POLQ: variants seen among roughly 807,000 people sequenced by gnomAD.
POLQ encodes the protein epididymis secretory sperm binding protein.
POLQ carries 233 observed loss-of-function variants against 259.2 expected under a neutral mutation model. That is an observed-to-expected ratio of 0.90 (90% CI 0.81 to 1.00). POLQ has a LOEUF of 1.00. Among genes scored for constraint, POLQ ranks in the 50% least tolerant of loss-of-function variants. The pLI is 0.00. For missense variants in POLQ, 2,871 were observed against 3,051.6 expected (o/e 0.94, Z 1.39); for synonymous variants, 1,025 against 1,048.8 (o/e 0.98, Z 0.44).
Position 121,489,989 on chromosome 3 carries a change from T to C in POLQ, c.2942A>G (p.Gln981Arg). ...CNFQNGNQEH[Q>R]TCSIFRARKR... ...TCTTGCTCTGAAAATGGAACATGTC[T>C]GATGTTCTTGATTCCCATTCTGGAA... The change falls in exon 16 of 30, where the codon CAG becomes CGG. Residue 981 changes from glutamine (Q) to arginine (R), a missense_variant. Physicochemically the swap from Gln to Arg is conservative, Grantham distance 43. Transcript: ENST00000264233. 1.3e-6 allele frequency: 2 copies of C among 1,580,166 alleles called. No individual in the cohort carries two copies. Among genetic ancestry groups the C allele is most frequent in the Non-Finnish European group, 1.7e-6 (2 of 1,169,838 alleles).
intron 24 of POLQ, among the ~76,000 whole-genome samples, chr3:121,461,164 C>T (rs1040063681): frequency 2.0e-5 from 3 of 152,298 alleles, no homozygotes; most frequent in African/African-American, 2.4e-5. Context: ...GAAAAACACT[C>T]GTACATTGTT....
chr3:121,523,701 C>G (rs1048040993), intron 7 of POLQ, among the ~76,000 whole-genome samples: 11 of 151,812 alleles, frequency 7.2e-5, no homozygotes, highest in African/African-American at 2.7e-4. Flanking sequence ...GACAACAGAG[C>G]AAGACCCTGT....
rs773624174 is a variant in POLQ at position 121,481,775 on chromosome 3, G to A, written c.6008C>T (p.Pro2003Leu). The change falls in exon 19 of 30, where the codon CCG (proline) becomes CTG (leucine). Residue 2003 changes from proline to leucine, a missense_variant. Pro to Leu is a moderately conservative substitution (Grantham distance 98). Around this residue, in one of 3 missense-constraint regions of POLQ, gnomAD observed 2,080 missense variants for 2,126.0 expected, o/e 0.98. Coordinates refer to ENST00000264233, the MANE Select transcript of POLQ (RefSeq NM_199420.4). ...CWLLDPDSQE[P>L]TLHSIVTSFL... Reference sequence around the variant, plus strand: ...ACTGGTAACTATGCTATGAAGAGTCGGCTCCTGAGAATCTGGATCTAGTAA... The same window carrying A: ...ACTGGTAACTATGCTATGAAGAGTCAGCTCCTGAGAATCTGGATCTAGTAA... The A allele has an allele frequency of 1.3e-5, 21 of 1,612,826 alleles. No homozygotes were observed. The highest frequency in any genetic ancestry group is 1.2e-4 in the Admixed American group (7 of 59,942).
At position 121,488,843 on chromosome 3, in the gene POLQ, G is replaced by C. The variant is rs1216421517; in HGVS notation, c.4088C>G (p.Ser1363Ter). ...IMQKSLVQQN[S>*]MNSFQKECHI... ...ACACTCCTTCTGAAAAGAGTTCATTGAGTTCTGTTGGACTAAGCTCTTCTG... is the reference window on the plus strand; with the variant it reads ...ACACTCCTTCTGAAAAGAGTTCATTCAGTTCTGTTGGACTAAGCTCTTCTG... The change falls in exon 16 of 30, where the codon TCA becomes TGA. Residue 1363 changes from serine to a stop codon, truncating the protein, a stop_gained. Coordinates refer to ENST00000264233, the MANE Select transcript of POLQ (RefSeq NM_199420.4). LOFTEE classifies it high-confidence loss of function. 6.2e-7 allele frequency: 1 copy of C among 1,613,898 alleles called. No individual in the cohort carries two copies. The highest frequency in any genetic ancestry group is 1.3e-5 in the African/African-American group (1 of 75,020).
intron 25 of POLQ, among the ~76,000 whole-genome samples, chr3:121,459,048 T>A (rs900709638): frequency 6.6e-6 from 1 of 152,222 alleles, no homozygotes; most frequent in South Asian, 2.1e-4. Context: ...GGTAAGAAAG[T>A]ATCAGTGTTA....
intron 21 of POLQ, among the ~76,000 whole-genome samples, chr3:121,473,095 A>C (rs1053156696): frequency 1.3e-5 from 2 of 152,182 alleles, no homozygotes; most frequent in African/African-American, 4.8e-5. Flanking sequence ...ATGGTGGTAC[A>C]CCTTTATAAA....
chr3:121,483,366 A>G lies in POLQ; in HGVS notation c.5970+20T>C. ...AAAAATGTTGTTTTAAGTATATAAA[A>G]ATTAAATTAGACATAGAACCTTAGG... On this transcript the variant is annotated intron_variant, in intron 18 of 29. Coordinates refer to ENST00000264233, the MANE Select transcript of POLQ (RefSeq NM_199420.4). The G allele has an allele frequency of 7.1e-7, 1 of 1,408,740 alleles. No individual in the cohort carries two copies. Among genetic ancestry groups the G allele is most frequent in the Non-Finnish European group, 9.5e-7 (1 of 1,054,130 alleles). 87.3% of individuals were successfully genotyped at this position (1,408,740 alleles called of 1,614,324 possible). A position where few individuals can be genotyped will look rare whatever the true frequency, so the allele number is the denominator to read the frequency against.
rs2048047581 is a variant in POLQ at position 121,489,622 on chromosome 3, CAA to C, written c.3307_3308del (p.Leu1103GlufsTer3). The part of the protein sequence containing the change: ...NSGPFAKNVS[L>X]SGKEKDNKTS... ...TTTTATTATCTTTTTCCTTACCACT[CAA>C]AGATACATTTTTAGCAAATGGCCCT... On this transcript the variant is annotated frameshift_variant, in exon 16 of 30. Transcript: ENST00000264233. LOFTEE classifies it high-confidence loss of function. 1 of 1,613,748 alleles carries C rather than the reference CAA, an allele frequency of 6.2e-7. No homozygotes were observed. The highest frequency in any genetic ancestry group is 8.5e-7 in the Non-Finnish European group (1 of 1,179,902).
At chr3:121,504,634 C>T (rs933641265) in intron 12 of POLQ, among the ~76,000 whole-genome samples, 9 of 152,048 alleles carry the variant, frequency 5.9e-5, no homozygotes, top group African/African-American at 2.2e-4. Context: ...ACTAGCAAAC[C>T]AAATAAAATA....
chr3:121,467,546 T>C lies in POLQ; in HGVS notation c.6940A>G (p.Met2314Val). 6.2e-7 allele frequency: 1 copy of C among 1,614,098 alleles called. No individual in the cohort carries two copies. Among genetic ancestry groups the C allele is most frequent in the Non-Finnish European group, 8.5e-7 (1 of 1,179,946 alleles). The change falls in exon 24 of 30, where the codon ATG becomes GTG. Residue 2314 changes from methionine to valine, a missense_variant. Around this residue, in one of 3 missense-constraint regions of POLQ, gnomAD observed 2,080 missense variants for 2,126.0 expected, o/e 0.98. Coordinates refer to ENST00000264233, the MANE Select transcript of POLQ (RefSeq NM_199420.4). ...GGGAAAGGCACAAAGGCATGTCGCA[T>C]GCTAATTGAAAATGGCATTCCTCTG... is the stretch of plus-strand genomic sequence containing the variant. The part of the protein sequence containing the change: ...ADRGMPFSIS[M>V]RHAFVPFPGG...
rs538097550 is a variant in POLQ at position 121,541,644 on chromosome 3, T to C, written c.344-165A>G. Among the ~76,000 whole-genome samples the C allele has an allele frequency of 7.2e-5, 11 of 152,350 alleles. No homozygotes were observed. The South Asian group carries it at 8.3e-4, about 11-fold the overall frequency. ...TTATACCCTGAAATGCCCTTTACTT[T>C]AAACCACCTGTCTTAATAGTCTCAA... On this transcript the variant is annotated intron_variant, in intron 2 of 29. Transcript: ENST00000264233.
chr3:121,461,679 C>T (rs1188404377), intron 24 of POLQ, among the ~76,000 whole-genome samples: 1 of 147,946 alleles, frequency 6.8e-6, no homozygotes, highest in Non-Finnish European at 1.5e-5. Flanking sequence ...GAAAAAGAAA[C>T]ATTACATGAA....
At chr3:121,503,352 C>A (rs894576080) in intron 12 of POLQ, among the ~76,000 whole-genome samples, 2 of 152,152 alleles carry the variant, frequency 1.3e-5, no homozygotes, top group Admixed American at 1.3e-4. Context: ...AGATGCAATT[C>A]TCAGAATGTA....
In POLQ at chr3:121,496,810, G is replaced by A. The variant is rs1252341970; in HGVS notation, c.2276C>T (p.Ala759Val). Residue 759 changes from alanine to valine, a missense_variant and splice_region_variant, in exon 14 of 30, where the codon GCA becomes GTA. Physicochemically the swap from Ala to Val is moderately conservative, Grantham distance 64 (BLOSUM62 0). Around this residue, in one of 3 missense-constraint regions of POLQ, gnomAD observed 8 missense variants for 19.3 expected, o/e 0.41. Transcript: ENST00000264233. ...GTGAAACCCTTTGTTTAACTGACCT[G>A]CATAAACAGCAGCTGACTGTTGCAA... ...QSLQQSAAVY[A>V]GMITVFSNRL... is the part of the protein sequence containing the mutation. The A allele has an allele frequency of 6.2e-7, 1 of 1,610,974 alleles. No individual in the cohort carries two copies. The highest frequency in any genetic ancestry group is 1.1e-5 in the South Asian group (1 of 90,122).
intron 6 of POLQ, 44 bp from the exon 7 acceptor site, chr3:121,529,836 A>G (rs1225031633): frequency 6.8e-7 from 1 of 1,461,414 alleles, no homozygotes; most frequent in East Asian, 2.3e-5. Context: ...TCCTTTCAAA[A>G]GATTCTCACA....
intron 5 of POLQ, among the ~76,000 whole-genome samples, chr3:121,534,898 A>G (rs13100579): frequency 0.69 from 105,147 of 152,120 alleles, 36,531 homozygotes; most frequent in East Asian, 0.89. Flanking sequence ...TAAATTCACT[A>G]TTGTTAGAAA....
chr3:121,531,490 G>T (rs1222736131), intron 6 of POLQ, among the ~76,000 whole-genome samples: 1 of 152,134 alleles, frequency 6.6e-6, no homozygotes, highest in East Asian at 1.9e-4. Context: ...TAAGAGGGGT[G>T]GGGGATGTAG....
At chr3:121,437,172 C>T (rs934234062) in intron 27 of POLQ, among the ~76,000 whole-genome samples, 6 of 151,992 alleles carry the variant, frequency 3.9e-5, no homozygotes, top group African/African-American at 1.4e-4. Flanking sequence ...AGTTTGAAAC[C>T]AGCCTGGGCA....
intron 23 of POLQ, 88 bp from the exon 24 acceptor site, chr3:121,467,728 G>T: frequency 1.5e-6 from 2 of 1,352,594 alleles, no homozygotes; most frequent in Non-Finnish European, 2.1e-6. Flanking sequence ...CAGTATTTCC[G>T]TCTAAGAAAC....
Sources: allele counts gnomAD v4.1 joint callset (sites outside exome capture counted in the v4.1 genomes callset), GRCh38; gene constraint gnomAD v4.1.1; regional missense constraint gnomAD v4.1.1; transcripts MANE v1.5; gene names NCBI Gene and HGNC (gene_info 2026-07-23, HGNC 2026-07-21).